Variants in ZNF609 observed in about 807,000 individuals in gnomAD.
ZNF609 encodes zinc finger protein 609.
ZNF609 carries 11 observed loss-of-function variants against 109.5 expected under a neutral mutation model. That is an observed-to-expected ratio of 0.10 (90% confidence interval 0.06 to 0.17). ZNF609 has a LOEUF of 0.17. Among genes scored for constraint, ZNF609 ranks in the 10% least tolerant of loss-of-function variants. The pLI, the probability that ZNF609 is intolerant of heterozygous loss-of-function variation, is 1.00. For missense variants in ZNF609, 1,559 were observed against 1,772.4 expected (o/e 0.88, Z 2.16); for synonymous variants, 646 against 662.0 (o/e 0.98, Z 0.37).
chr15:64,542,017 A>G (rs564106938), intron 2 of ZNF609, among the ~76,000 whole-genome samples: 1 of 152,030 alleles, frequency 6.6e-6, no homozygotes, highest in African/African-American at 2.4e-5. Context: ...GCATGGTAGT[A>G]TAGACCTGTA....
intron 2 of ZNF609, among the ~76,000 whole-genome samples, chr15:64,582,712 CT>C (rs1170972970): frequency 3.4e-5 from 2 of 58,438 alleles, no homozygotes; most frequent in South Asian, 4.8e-4. Flanking sequence ...TTCTTTCTTT[CT>C]TTCTTTTTTC....
intron 2 of ZNF609, among the ~76,000 whole-genome samples, chr15:64,569,971 C>T (rs891974566): frequency 2.0e-5 from 3 of 152,026 alleles, no homozygotes; most frequent in Non-Finnish European, 2.9e-5. Flanking sequence ...GTGCCAAGAA[C>T]GGAATTGCCT....
chr15:64,561,810 GT>G (rs1180964140), intron 2 of ZNF609, among the ~76,000 whole-genome samples: 1 of 151,984 alleles, frequency 6.6e-6, no homozygotes, highest in African/African-American at 2.4e-5. Flanking sequence ...TTAATGCTAT[GT>G]TTCCACTCCT....
intron 1 of ZNF609, among the ~76,000 whole-genome samples, chr15:64,477,235 G>A (rs531552759): frequency 6.9e-6 from 1 of 144,250 alleles, no homozygotes; most frequent in Non-Finnish European, 1.5e-5. Context: ...CTGCCTCCCC[G>A]GTTCAGGCCA....
At chr15:64,631,051 T>C in intron 3 of ZNF609, 1 of 346,270 alleles carries the variant, frequency 2.9e-6, no homozygotes, top group South Asian at 2.9e-5. Flanking sequence ...ACCACACTTC[T>C]ACTCAATGAA....
chr15:64,561,357 T>G (rs1025835840), intron 2 of ZNF609, among the ~76,000 whole-genome samples: 2 of 152,120 alleles, frequency 1.3e-5, no homozygotes, highest in African/African-American at 4.8e-5. Flanking sequence ...ATTACTTGAG[T>G]CTCCATTGCC....
intron 3 of ZNF609, among the ~76,000 whole-genome samples, chr15:64,642,445 A>G (rs1896275721): frequency 1.3e-5 from 2 of 152,188 alleles, no homozygotes; most frequent in South Asian, 4.1e-4. Context: ...TTGGTCTCCC[A>G]AAGTGCTGAG....
intron 2 of ZNF609, among the ~76,000 whole-genome samples, chr15:64,532,833 T>C (rs1200820222): frequency 6.6e-6 from 1 of 152,144 alleles, no homozygotes; most frequent in Non-Finnish European, 1.5e-5. Flanking sequence ...TTGAGCTAGG[T>C]GAAAAAGAGG....
intron 3 of ZNF609, among the ~76,000 whole-genome samples, chr15:64,629,119 A>G (rs1896022839): frequency 6.6e-6 from 1 of 152,058 alleles, no homozygotes; most frequent in Admixed American, 6.6e-5. Context: ...ATAACTGGTT[A>G]TTCTCTCTAT....
At chr15:64,656,708 CCCTTCCTT>C (rs1006835799) in intron 3 of ZNF609, among the ~76,000 whole-genome samples, 3 of 151,078 alleles carry the variant, frequency 2.0e-5, no homozygotes, top group Admixed American at 1.3e-4. Context: ...CTCCCTTCCT[CCCTTCCTT>C]CCTCTTTTCT....
chr15:64,512,217 C>G (rs189443835), intron 2 of ZNF609, among the ~76,000 whole-genome samples: 1 of 152,144 alleles, frequency 6.6e-6, no homozygotes, highest in Admixed American at 6.5e-5. Context: ...TTTCTGACAG[C>G]CTTTAAGGTA....
intron 2 of ZNF609, among the ~76,000 whole-genome samples, chr15:64,617,196 G>GT (rs1428615396): frequency 1.3e-4 from 19 of 150,906 alleles, no homozygotes; most frequent in Admixed American, 4.0e-4. Flanking sequence ...TTTTGTTTTT[G>GT]TTTTTTTTGG....
chr15:64,616,469 T>C (rs1418666484), intron 2 of ZNF609, among the ~76,000 whole-genome samples: 3 of 151,618 alleles, frequency 2.0e-5, no homozygotes, highest in Non-Finnish European at 4.4e-5. Context: ...CTGTGTCATC[T>C]GCCTACCAAC....
In ZNF609 at chr15:64,673,919, C is replaced by T. The variant is rs745464831; in HGVS notation, c.1065C>T (p.Phe355=). The change falls in exon 5 of 10, where the codon TTC becomes TTT. Residue 355 remains phenylalanine, a synonymous_variant. Transcript: ENST00000326648. ...CTRHDWAPPR[F]CDSPTSDLEM... ...GTTGTGTTTATCCTTTGCCAAGGTT[C>T]TGTGACTCCCCGACCAGTGACCTGG... The T allele has an allele frequency of 6.2e-7, 1 of 1,609,766 alleles. No homozygotes were observed. Among genetic ancestry groups the T allele is most frequent in the South Asian group, 1.1e-5 (1 of 90,810 alleles).
At chr15:64,501,009 G>T (rs1037892050) in intron 2 of ZNF609, 1 of 154,068 alleles carries the variant, frequency 6.5e-6, no homozygotes, top group Non-Finnish European at 1.4e-5. Flanking sequence ...AATGGAACTT[G>T]CAGGGCTGGA....
chr15:64,556,568 G>A (rs1366287032), intron 2 of ZNF609, among the ~76,000 whole-genome samples: 4 of 152,178 alleles, frequency 2.6e-5, no homozygotes, highest in African/African-American at 9.7e-5. Flanking sequence ...TTAAATAAGT[G>A]ATCAGTTTCC....
At chr15:64,613,475 T>TGATGTCTACCTGCTAGCCTCTCAG (rs1895748406) in intron 2 of ZNF609, among the ~76,000 whole-genome samples, 1 of 152,228 alleles carries the variant, frequency 6.6e-6, no homozygotes, top group Non-Finnish European at 1.5e-5. Context: ...AATTATCCCA[T>TGATGTCTACCTGCTAGCCTCTCAG]GATGTCTACC....
chr15:64,662,401 T>C (rs564241190), intron 3 of ZNF609, among the ~76,000 whole-genome samples: 1 of 152,186 alleles, frequency 6.6e-6, no homozygotes, highest in South Asian at 2.1e-4. Context: ...TCTCAACTCA[T>C]TACAGCCTAG....
At chr15:64,650,891 T>G (rs912279633) in intron 3 of ZNF609, among the ~76,000 whole-genome samples, 2 of 144,546 alleles carry the variant, frequency 1.4e-5, no homozygotes, top group Non-Finnish European at 3.0e-5. Context: ...TGTTGATGGG[T>G]GGGGGGGGGA....
Sources: allele counts gnomAD v4.1 joint callset (sites outside exome capture counted in the v4.1 genomes callset), GRCh38; gene constraint gnomAD v4.1.1; transcripts MANE v1.5; gene names NCBI Gene and HGNC (gene_info 2026-07-23, HGNC 2026-07-21).